Variants in LAPTM4A observed in about 807,000 individuals in gnomAD.
LAPTM4A encodes the protein lysosomal protein transmembrane 4 alpha, also known as lysosomal-associated transmembrane protein 4A.
Under a neutral mutation model 29.9 loss-of-function variants are expected in LAPTM4A, and 19 were observed. That is an observed-to-expected ratio of 0.64 (90% CI 0.44 to 0.93). The LOEUF is 0.93. Among genes scored for constraint, LAPTM4A ranks in the 40% least tolerant of loss-of-function variants. LAPTM4A has a pLI of 0.00. For synonymous variants in LAPTM4A, 105 were observed against 102.1 expected (o/e 1.03, Z -0.17); for missense variants, 293 against 288.5 (o/e 1.02, Z -0.11).
intron 4 of LAPTM4A, 27 bp from the exon 5 acceptor site, chr2:20,035,089 C>T: frequency 2.0e-6 from 3 of 1,515,644 alleles, no homozygotes; most frequent in Non-Finnish European, 2.7e-6. Flanking sequence ...CACACATTTA[C>T]AAGTCAGCCA....
At chr2:20,034,822 G>A (rs565041937) in intron 5 of LAPTM4A, 145 bp downstream of exon 5, 392 of 645,298 alleles carry the variant, frequency 6.1e-4, no homozygotes, top group Non-Finnish European at 8.6e-4. Context: ...CCATTCCCTA[G>A]AAGCTATCTC....
intron 2 of LAPTM4A, among the ~76,000 whole-genome samples, chr2:20,039,121 T>C (rs2103496923): frequency 6.6e-6 from 1 of 152,302 alleles, no homozygotes; most frequent in South Asian, 2.1e-4. Context: ...TTCACCATGT[T>C]AGCCAGGCTA....
chr2:20,046,486 A>G (rs1673922430), intron 1 of LAPTM4A, among the ~76,000 whole-genome samples: 1 of 151,730 alleles, frequency 6.6e-6, no homozygotes, highest in South Asian at 2.1e-4. Context: ...TAAGTTAGCC[A>G]TCACACACAT....
intron 1 of LAPTM4A, among the ~76,000 whole-genome samples, chr2:20,045,466 A>T (rs1014038258): frequency 1.3e-5 from 1 of 78,578 alleles, no homozygotes; most frequent in Non-Finnish European, 2.3e-5. Flanking sequence ...CCATCTCTTT[A>T]AAAAAAAAAA....
intron 1 of LAPTM4A, among the ~76,000 whole-genome samples, chr2:20,043,501 C>T (rs1673850995): frequency 6.6e-6 from 1 of 152,198 alleles, no homozygotes; most frequent in South Asian, 2.1e-4. Flanking sequence ...CAGGTGTGAG[C>T]CACTGTGTCG....
At chr2:20,047,461 C>G (rs1303208206) in intron 1 of LAPTM4A, among the ~76,000 whole-genome samples, 3 of 148,398 alleles carry the variant, frequency 2.0e-5, no homozygotes, top group Non-Finnish European at 1.5e-5. Flanking sequence ...GAGGCCGAGG[C>G]GGGTGGATCA....
rs1472026397 is a variant in LAPTM4A, at chr2:20,034,346, C to T, written c.598G>A (p.Val200Met). 6.2e-7 allele frequency: 1 copy of T among 1,613,898 alleles called. No homozygotes were observed. The highest frequency in any genetic ancestry group is 1.1e-5 in the South Asian group (1 of 91,074). Residue 200 changes from valine to methionine, a missense_variant, in exon 6 of 7, where the codon GTG (valine) becomes ATG (methionine). By Grantham distance (21) the Val-to-Met change is conservative (BLOSUM62 1). Transcript: ENST00000175091. ...GGAGGTGCTTCAAAGGCAGGGTACACAGCAATCTCCGGCACGTTTCGGTTG... is the reference window on the plus strand; with the variant it reads ...GGAGGTGCTTCAAAGGCAGGGTACATAGCAATCTCCGGCACGTTTCGGTTG... ...INNRNVPEIA[V>M]YPAFEAPPQY...
intron 5 of LAPTM4A, 30 bp from the exon 6 acceptor site, chr2:20,034,445 G>A: frequency 7.0e-7 from 1 of 1,427,744 alleles, no homozygotes; most frequent in Non-Finnish European, 9.9e-7. Context: ...GTTGACATCT[G>A]CTAGAAACTC....
chr2:20,049,971 A>G (rs1455575166), intron 1 of LAPTM4A, among the ~76,000 whole-genome samples: 1 of 152,244 alleles, frequency 6.6e-6, no homozygotes, highest in Non-Finnish European at 1.5e-5. Flanking sequence ...AGTTAGAAAC[A>G]TAATGCAGCT....
chr2:20,040,819 T>A, intron 2 of LAPTM4A, 72 bp downstream of exon 2: 1 of 1,334,450 alleles, frequency 7.5e-7, no homozygotes, highest in South Asian at 1.3e-5. Context: ...TGTGTCCCCA[T>A]CATTAAACAA....
chr2:20,045,465 T>TAA (rs397955198), intron 1 of LAPTM4A, among the ~76,000 whole-genome samples: 121 of 139,888 alleles, frequency 8.6e-4, no homozygotes, highest in African/African-American at 2.5e-3. Context: ...CCCATCTCTT[T>TAA]AAAAAAAAAA....
chr2:20,037,642 T>C (rs760862004), intron 2 of LAPTM4A, 28 bp from the exon 3 acceptor site: 1 of 1,439,434 alleles, frequency 6.9e-7, no homozygotes. Flanking sequence ...AAAATCTAAT[T>C]AAGCTACTTA....
rs774117760 is a variant in LAPTM4A, at chr2:20,037,355, G to A, written c.393C>T (p.Leu131=). The change falls in exon 4 of 7, where the codon CTC becomes CTT. Residue 131 remains leucine, a synonymous_variant. Transcript: ENST00000175091. ...VLSCLVAISS[L]TYLPRIKEYL... is the part of the protein sequence containing the mutation. ...ATTCTTTGATTCTTGGCAAATAGGT[G>A]AGAGAACTAATAGCAACCAGGCAAC... 2 of 1,613,220 alleles carry A rather than the reference G, an allele frequency of 1.2e-6. No homozygotes were observed. Among genetic ancestry groups the A allele is most frequent in the Non-Finnish European group, 1.7e-6 (2 of 1,179,426 alleles).
chr2:20,037,751 T>TAAA (rs57679180), intron 2 of LAPTM4A, 137 bp from the exon 3 acceptor site: 9 of 361,954 alleles, frequency 2.5e-5, no homozygotes, highest in South Asian at 6.8e-5. Flanking sequence ...GCCAAGAGGG[T>TAAA]AAAAAAAAAA....
intron 4 of LAPTM4A, among the ~76,000 whole-genome samples, chr2:20,035,648 T>C (rs1363270388): frequency 1.3e-5 from 2 of 152,190 alleles, no homozygotes; most frequent in Non-Finnish European, 2.9e-5. Flanking sequence ...CCTGACTGTG[T>C]ACAAGGCAAT....
intron 1 of LAPTM4A, among the ~76,000 whole-genome samples, chr2:20,047,638 C>T (rs1572400933): frequency 6.7e-6 from 1 of 148,194 alleles, no homozygotes; most frequent in South Asian, 2.1e-4. Flanking sequence ...TGCAGTGAGC[C>T]GAGATTGCGC....
In LAPTM4A at chr2:20,041,545, C is replaced by T. The variant is rs553091609; in HGVS notation, c.112-534G>A. 7.0e-4 allele frequency among the ~76,000 whole-genome samples: 106 copies of T among 151,930 alleles called. 3 individuals are homozygous for T. Among genetic ancestry groups the T allele is most frequent in the Admixed American group, 5.6e-3 (86 of 15,238 alleles). ...GTGTGTGTGTGTATGTGTATGTGTGCGTGTGTGTGATATGGAGTCTCACTC... is the reference window on the plus strand; with the variant it reads ...GTGTGTGTGTGTATGTGTATGTGTGTGTGTGTGTGATATGGAGTCTCACTC... On this transcript the variant is annotated intron_variant, in intron 1 of 6. Transcript: ENST00000175091.
In LAPTM4A at chr2:20,050,920, G is replaced by A. The variant is rs1399653273; in HGVS notation, c.111+490C>T. Among the ~76,000 whole-genome samples, 7 of 152,224 alleles carry A rather than the reference G, an allele frequency of 4.6e-5. 1 individual carries two copies. The East Asian group carries it at 7.7e-4, about 17-fold the overall frequency. On this transcript the variant is annotated intron_variant, in intron 1 of 6. Coordinates refer to ENST00000175091, the MANE Select transcript of LAPTM4A (RefSeq NM_014713.5). ...AAGAAACGCGGACAACCGGGTTACCGCTGGATCTTTCGCTTTCCCAACGGG... is the reference window on the plus strand; with the variant it reads ...AAGAAACGCGGACAACCGGGTTACCACTGGATCTTTCGCTTTCCCAACGGG...
At chr2:20,045,738 ATTCT>A (rs1673904300) in intron 1 of LAPTM4A, among the ~76,000 whole-genome samples, 1 of 152,202 alleles carries the variant, frequency 6.6e-6, no homozygotes, top group Non-Finnish European at 1.5e-5. Context: ...GAAGAGAGGA[ATTCT>A]TTGTTTTCTT....
Sources: allele counts gnomAD v4.1 joint callset (sites outside exome capture counted in the v4.1 genomes callset), GRCh38; gene constraint gnomAD v4.1.1; transcripts MANE v1.5; gene names NCBI Gene and HGNC (gene_info 2026-07-23, HGNC 2026-07-21).